Variants in GOLM2 observed in about 807,000 individuals in gnomAD.
The protein encoded by GOLM2 is golgi membrane protein 2.
GOLM2 carries 26 observed loss-of-function variants against 55.9 expected under a neutral mutation model. The ratio of observed to expected loss-of-function variants is 0.47; its 90% CI spans 0.34 to 0.65. The LOEUF (loss-of-function observed/expected upper bound fraction) is 0.65. GOLM2 is among the 30% of genes least tolerant of loss of function. GOLM2 has a pLI of 0.01. For synonymous variants in GOLM2, 165 were observed against 194.6 expected (o/e 0.85, Z 1.27); for missense variants, 486 against 531.8 (o/e 0.91, Z 0.85).
Position 44,295,140 on chromosome 15 carries a change from C to T in GOLM2, c.327+5784C>T, listed in dbSNP as rs188248697. On this transcript the variant is annotated intron_variant, in intron 1 of 9. Transcript: ENST00000299957. ...TGTCACCCAGGCTGGAGCGCAGTGG[C>T]GCAGTCTCAGCTCACTTCAACCTCC... Among the ~76,000 whole-genome samples the T allele has an allele frequency of 5.1e-3, 774 of 151,328 alleles. 5 individuals are homozygous for T. The highest frequency in any genetic ancestry group is 0.01 in the Middle Eastern group (3 of 292).
chr15:44,305,524 C>T (rs1315369409), intron 1 of GOLM2, among the ~76,000 whole-genome samples: 1 of 152,038 alleles, frequency 6.6e-6, no homozygotes, highest in East Asian at 1.9e-4. Context: ...GTCTTGAACT[C>T]CTGAGCCCAA....
At chr15:44,407,244 GATATATTTATATT>G (rs2079603686) in intron 9 of GOLM2, among the ~76,000 whole-genome samples, 1 of 143,378 alleles carries the variant, frequency 7.0e-6, no homozygotes, top group African/African-American at 2.6e-5. Context: ...TATAATTTAT[GATATATTTATATT>G]ATATATTTAT....
At chr15:44,348,093 CTGAGACAT>C (rs1242403408) in intron 6 of GOLM2, among the ~76,000 whole-genome samples, 1 of 151,642 alleles carries the variant, frequency 6.6e-6, no homozygotes. Flanking sequence ...GAGTGAGACT[CTGAGACAT>C]GCTGGCTTCA....
intron 6 of GOLM2, among the ~76,000 whole-genome samples, chr15:44,353,387 A>G (rs895865776): frequency 6.6e-6 from 1 of 152,212 alleles, no homozygotes; most frequent in East Asian, 1.9e-4. Flanking sequence ...ACTGCTAGGT[A>G]TGTACTTAAG....
intron 1 of GOLM2, among the ~76,000 whole-genome samples, chr15:44,294,890 T>A (rs1470897229): frequency 6.7e-6 from 1 of 150,156 alleles, no homozygotes; most frequent in Non-Finnish European, 1.5e-5. Flanking sequence ...TAAGACTCTG[T>A]CTCACAAAAA....
chr15:44,303,552 A>T (rs1209057820), intron 1 of GOLM2, among the ~76,000 whole-genome samples: 2 of 152,050 alleles, frequency 1.3e-5, no homozygotes, highest in East Asian at 3.9e-4. Context: ...TTGAGTTATA[A>T]GCATAGCTTG....
At chr15:44,387,612 A>T (rs1192938842) in intron 8 of GOLM2, 1 of 152,100 alleles carries the variant, frequency 6.6e-6, no homozygotes, top group Non-Finnish European at 1.5e-5. Flanking sequence ...AAATACAAAA[A>T]TTAGCCGGGT....
At chr15:44,395,160 G>A (rs1488068496) in intron 8 of GOLM2, among the ~76,000 whole-genome samples, 3 of 149,350 alleles carry the variant, frequency 2.0e-5, no homozygotes, top group Non-Finnish European at 4.4e-5. Flanking sequence ...ACAGGCGCCC[G>A]CCACCACGCC....
intron 1 of GOLM2, among the ~76,000 whole-genome samples, chr15:44,299,382 T>G (rs1016384147): frequency 3.3e-5 from 5 of 151,598 alleles, no homozygotes; most frequent in African/African-American, 1.2e-4. Flanking sequence ...AACCTCCACC[T>G]CCCGAGTTCA....
chr15:44,356,341 G>C (rs1372218129), intron 6 of GOLM2, among the ~76,000 whole-genome samples: 1 of 152,116 alleles, frequency 6.6e-6, no homozygotes, highest in East Asian at 1.9e-4. Context: ...CTCTAGCAAG[G>C]CTAAGAGAAA....
intron 9 of GOLM2, among the ~76,000 whole-genome samples, chr15:44,412,198 C>T (rs1027660347): frequency 2.0e-5 from 3 of 151,938 alleles, no homozygotes; most frequent in Non-Finnish European, 4.4e-5. Context: ...AACAAAAAAA[C>T]CTCTTCAGCA....
intron 6 of GOLM2, among the ~76,000 whole-genome samples, chr15:44,345,103 G>A (rs532861477): frequency 2.4e-4 from 37 of 151,400 alleles, no homozygotes; most frequent in Admixed American, 9.2e-4. Context: ...GAGCCACCGC[G>A]CCTGGCCTAT....
chr15:44,362,064 A>C (rs1264528412), intron 6 of GOLM2, among the ~76,000 whole-genome samples: 1 of 152,044 alleles, frequency 6.6e-6, no homozygotes, highest in African/African-American at 2.4e-5. Context: ...AGAGCTATCT[A>C]TGACAAACCC....
chr15:44,338,423 G>A, intron 6 of GOLM2, 106 bp downstream of exon 6: 3 of 779,566 alleles, frequency 3.8e-6, no homozygotes, highest in Non-Finnish European at 4.1e-6. Context: ...ATATCTGGAT[G>A]ATCGATATTT....
rs775167107 is a variant in GOLM2 at position 44,323,027 on chromosome 15, C to G, written c.382+8C>G. On this transcript the variant is annotated splice_region_variant and intron_variant, in intron 2 of 9. Transcript: ENST00000299957. The stretch of plus-strand genomic sequence containing the variant: ...ACATACATCATTTAAAGGGTAAGAA[C>G]CTTAATTCCAGATTAAAGATAAACC... 1.4e-5 allele frequency: 21 copies of G among 1,547,244 alleles called. No homozygotes were observed. The highest frequency in any genetic ancestry group is 1.8e-5 in the Non-Finnish European group (21 of 1,147,202).
At position 44,328,761 on chromosome 15, in the gene GOLM2, C is replaced by T. The variant is rs1442352810; in HGVS notation, c.459C>T (p.Tyr153=). 3 of 1,609,438 alleles carry T rather than the reference C, an allele frequency of 1.9e-6. No homozygotes were observed. In the East Asian group the frequency reaches 6.7e-5, roughly 36 times the overall value. The change falls in exon 3 of 10, where the codon TAC becomes TAT. Residue 153 remains tyrosine, a synonymous_variant. Transcript: ENST00000299957. ...QLQDYRKNNT[Y]LVKRLEYESF... ...AGGACTATAGGAAGAACAATACTTA[C>T]CTTGTGAAGAGGTTAGAATATGAAA...
Position 44,313,078 on chromosome 15 carries a change from CA to C in GOLM2, c.328-9874del, listed in dbSNP as rs768126877. On this transcript the variant is annotated intron_variant, in intron 1 of 9. Transcript: ENST00000299957. Reference sequence around the variant, plus strand: ...TGGGCGACGGAGCAAGACTCCATCTCAAAAAAAAAAAAATACAAAAATTAGC... The same window carrying C: ...TGGGCGACGGAGCAAGACTCCATCTCAAAAAAAAAAAATACAAAAATTAGC... Among the ~76,000 whole-genome samples the C allele has an allele frequency of 2.1e-3, 286 of 135,304 alleles. 1 individual carries two copies. The highest frequency in any genetic ancestry group is 4.0e-3 in the Admixed American group (53 of 13,282). 88.8% of individuals were successfully genotyped at this position (135,304 alleles called of 152,430 possible).
chr15:44,347,992 A>G (rs1174765424), intron 6 of GOLM2, among the ~76,000 whole-genome samples: 1 of 152,168 alleles, frequency 6.6e-6, no homozygotes, highest in East Asian at 1.9e-4. Flanking sequence ...GGAAGGACCT[A>G]GACCTGGCAA....
At chr15:44,321,610 T>A (rs971920652) in intron 1 of GOLM2, among the ~76,000 whole-genome samples, 1 of 152,208 alleles carries the variant, frequency 6.6e-6, no homozygotes, top group Non-Finnish European at 1.5e-5. Context: ...ACATTCATAT[T>A]GTACCAATGT....
Sources: allele counts gnomAD v4.1 joint callset (sites outside exome capture counted in the v4.1 genomes callset), GRCh38; gene constraint gnomAD v4.1.1; transcripts MANE v1.5; gene names NCBI Gene and HGNC (gene_info 2026-07-23, HGNC 2026-07-21).